The following C10orf105 variants were observed in gnomAD, a reference collection of about 807,000 sequenced individuals.
The protein encoded by C10orf105 is chromosome 10 open reading frame 105.
In C10orf105, 2 loss-of-function variants were observed where a neutral mutation model predicts 0.6. The ratio of observed to expected loss-of-function variants is 3.18; its 90% confidence interval spans 1.30 to 10.01. C10orf105 has a LOEUF of 10.01. Among genes scored for constraint, C10orf105 ranks in the 30% most tolerant of loss-of-function variants. The pLI, the probability that C10orf105 is intolerant of heterozygous loss-of-function variation, is 0.04. For missense variants in C10orf105, 209 were observed against 191.4 expected (o/e 1.09, Z -0.54); for synonymous variants, 95 against 82.4 (o/e 1.15, Z -0.83).
At chr10:71,733,624 A>G (rs1252303705) in intron 1 of C10orf105, among the ~76,000 whole-genome samples, 1 of 152,238 alleles carries the variant, frequency 6.6e-6, no homozygotes, top group Non-Finnish European at 1.5e-5. Context: ...ACAATGTCAC[A>G]GAAAGCTCTG....
In C10orf105 at chr10:71,716,258, CCGGGAGTGA is replaced by C. The variant is rs1332378519; in HGVS notation, c.71_79del (p.Val24_Pro26del). On this transcript the variant is annotated inframe_deletion, in exon 2 of 2. Coordinates refer to ENST00000441508, the MANE Select transcript of C10orf105 (RefSeq NM_001164375.3). ...GGGGTCAGTTGCCTCTGCAAGGGTC[CCGGGAGTGA>C]CGGGAGCTGAGAGAAAGGCGAGGGG... The C allele has an allele frequency of 5.2e-6, 8 of 1,544,332 alleles. No individual in the cohort carries two copies. In the South Asian group the frequency reaches 9.6e-5, roughly 19 times the overall value.
chr10:71,722,119 G>T (rs1406247671), upstream of C10orf105, among the ~76,000 whole-genome samples: 1 of 152,162 alleles, frequency 6.6e-6, no homozygotes, highest in Non-Finnish European at 1.5e-5. Flanking sequence ...AGGGCTTCGG[G>T]TGGCAAGAAA....
At chr10:71,723,998 C>T (rs1185876296), upstream of C10orf105, 5 of 1,547,728 alleles carry the variant, frequency 3.2e-6, no homozygotes, top group African/African-American at 2.7e-5. Context: ...TCTTCTCTCC[C>T]TGCTGGGTGG....
intron 1 of C10orf105, chr10:71,734,216 AC>A: frequency 6.3e-7 from 1 of 1,583,424 alleles, no homozygotes; most frequent in Non-Finnish European, 8.6e-7. Flanking sequence ...GTTGTCACTC[AC>A]CCATCTGGCC....
Position 71,712,618 on chromosome 10 carries a change from CCTCT to C in C10orf105, c.*3314_*3317del. On this transcript the variant is annotated 3_prime_UTR_variant, in exon 2 of 2. Transcript: ENST00000441508. ...TGTGCAAAGTCACAGGAAGTGTGCC[CCTCT>C]CTCAGGCAGCTGCTAACACCTGTCT... The C allele has an allele frequency of 6.2e-7, 1 of 1,604,532 alleles. No homozygotes were observed. Among genetic ancestry groups the C allele is most frequent in the South Asian group, 1.1e-5 (1 of 90,276 alleles).
intron 1 of C10orf105, chr10:71,730,475 G>A (rs1168311433): frequency 6.2e-7 from 1 of 1,613,688 alleles, no homozygotes; most frequent in Non-Finnish European, 8.5e-7. Flanking sequence ...ACAGGTGATT[G>A]TGTACGTGGA....
At position 71,713,511 on chromosome 10, in the gene C10orf105, G is replaced by A. The variant is rs1220927421; in HGVS notation, c.*2425C>T. On this transcript the variant is annotated 3_prime_UTR_variant, in exon 2 of 2. Coordinates refer to ENST00000441508, the MANE Select transcript of C10orf105 (RefSeq NM_001164375.3). ...GGAGGGACAGAAGCGTGGGAGGCTG[G>A]CAATGCTCCCCTCCCTGCATCGGGA... The A allele has an allele frequency of 7.4e-6, 4 of 543,170 alleles. No individual in the cohort carries two copies. Among genetic ancestry groups the A allele is most frequent in the Non-Finnish European group, 1.3e-5 (4 of 304,000 alleles). 33.6% of individuals were successfully genotyped at this position (543,170 alleles called of 1,614,324 possible).
At position 71,732,135 on chromosome 10, in the gene C10orf105, G is replaced by A; in HGVS notation, c.-6+5593C>T. 1 of 1,614,026 alleles carries A rather than the reference G, an allele frequency of 6.2e-7. No homozygotes were observed. The highest frequency in any genetic ancestry group is 8.5e-7 in the Non-Finnish European group (1 of 1,179,894). Reference sequence around the variant, plus strand: ...TGATGAATGTGTCGGCCACTGACCAGGCCCCGCCCTTCAACCAGGGCTTCT... The same window carrying A: ...TGATGAATGTGTCGGCCACTGACCAAGCCCCGCCCTTCAACCAGGGCTTCT... On this transcript the variant is annotated intron_variant, in intron 1 of 1. Transcript: ENST00000398786.
In C10orf105 at chr10:71,732,449, A is replaced by G. The variant is rs375744327; in HGVS notation, c.-6+5279T>C. On this transcript the variant is annotated intron_variant, in intron 1 of 1. Coordinates refer to the C10orf105 transcript ENST00000398786. ...TTGGTTGAGCTCCTTCTGTGTGCAC[A>G]GCACTCTCCTCTTTGTCATAAAATG... The G allele has an allele frequency of 7.4e-5, 113 of 1,533,900 alleles. 1 individual carries two copies. In the South Asian group the frequency reaches 1.3e-3, roughly 17 times the overall value.
rs377178001 is a variant in C10orf105, at chr10:71,733,512, C to T, written c.-6+4216G>A. Among the ~76,000 whole-genome samples, 8 of 152,236 alleles carry T rather than the reference C, an allele frequency of 5.3e-5. No individual in the cohort carries two copies. The East Asian group carries it at 1.2e-3, about 22-fold the overall frequency. Reference sequence around the variant, plus strand: ...CAACCGAGGACCCCACCAAGAGTTGCCTCATTAGAACAAAAGACTCCTATC... The same window carrying T: ...CAACCGAGGACCCCACCAAGAGTTGTCTCATTAGAACAAAAGACTCCTATC... On this transcript the variant is annotated intron_variant, in intron 1 of 1. Transcript: ENST00000398786.
At chr10:71,729,930 G>A (rs527551757) in intron 1 of C10orf105, among the ~76,000 whole-genome samples, 1 of 152,038 alleles carries the variant, frequency 6.6e-6, no homozygotes, top group South Asian at 2.1e-4. Context: ...TGCCTCCCGG[G>A]TTCACACCAT....
chr10:71,718,999 G>A (rs1028998639), intron 1 of C10orf105, among the ~76,000 whole-genome samples: 4 of 152,038 alleles, frequency 2.6e-5, no homozygotes, highest in Non-Finnish European at 4.4e-5. Flanking sequence ...GATCATTTGA[G>A]CCCAAAAGTT....
rs200632520 is a variant in C10orf105, at chr10:71,712,706, G to A, written c.*3230C>T. ...GAAGCGACACACGGGCACAGCCACCGTGTTCGTCACTGTCCTGGATGTGAA... is the reference window on the plus strand; with the variant it reads ...GAAGCGACACACGGGCACAGCCACCATGTTCGTCACTGTCCTGGATGTGAA... On this transcript the variant is annotated 3_prime_UTR_variant, in exon 2 of 2. Coordinates refer to ENST00000441508, the MANE Select transcript of C10orf105 (RefSeq NM_001164375.3). 119 of 1,613,722 alleles carry A rather than the reference G, an allele frequency of 7.4e-5. No individual in the cohort carries two copies. The East Asian group carries it at 1.3e-3, about 17-fold the overall frequency.
intron 1 of C10orf105, chr10:71,737,671 C>T: frequency 4.3e-6 from 2 of 468,600 alleles, no homozygotes; most frequent in Admixed American, 2.3e-5. Flanking sequence ...CCTGGGATAC[C>T]TAAAACCTGA....
At chr10:71,717,493 G>A (rs1197084302) in intron 1 of C10orf105, 1 of 152,286 alleles carries the variant, frequency 6.6e-6, no homozygotes, top group East Asian at 1.9e-4. Flanking sequence ...TCCCACTGAA[G>A]ATCATCCCAT....
intron 1 of C10orf105, among the ~76,000 whole-genome samples, chr10:71,718,921 T>C (rs1434898983): frequency 6.7e-6 from 1 of 148,588 alleles, no homozygotes; most frequent in Non-Finnish European, 1.5e-5. Context: ...AAAAAAAAGG[T>C]TTTTTAATTA....
At chr10:71,733,543 G>A (rs909472902) in intron 1 of C10orf105, among the ~76,000 whole-genome samples, 2 of 152,084 alleles carry the variant, frequency 1.3e-5, no homozygotes, top group Non-Finnish European at 2.9e-5. Flanking sequence ...CTATCACCTA[G>A]GAAATGCCAG....
chr10:71,724,181 G>T (rs1866702606), upstream of C10orf105: 4 of 1,497,590 alleles, frequency 2.7e-6, no homozygotes, highest in Non-Finnish European at 3.6e-6. Context: ...GCTGCCAAAG[G>T]TCTGGGAGAT....
intron 1 of C10orf105, among the ~76,000 whole-genome samples, chr10:71,728,701 G>C (rs1329727660): frequency 6.6e-6 from 1 of 152,136 alleles, no homozygotes; most frequent in South Asian, 2.1e-4. Context: ...AGTTCCTACC[G>C]GCCCCAGCTC....
Sources: allele counts gnomAD v4.1 joint callset (sites outside exome capture counted in the v4.1 genomes callset), GRCh38; gene constraint gnomAD v4.1.1; transcripts MANE v1.5; gene names NCBI Gene and HGNC (gene_info 2026-07-23, HGNC 2026-07-21).